PATJ: variants seen among roughly 807,000 people sequenced by gnomAD.
PATJ encodes the protein PATJ crumbs cell polarity complex component, also known as inaD-like protein.
PATJ carries 190 observed loss-of-function variants against 224.9 expected under a neutral mutation model. That is an observed-to-expected ratio of 0.84 (90% CI 0.75 to 0.95). The LOEUF is 0.95. Ranked by LOEUF, PATJ falls within the 40% of genes least tolerant of loss-of-function variation. The pLI is 0.00. For missense variants in PATJ, 2,121 were observed against 2,270.3 expected (o/e 0.93, Z 1.34); for synonymous variants, 769 against 820.3 (o/e 0.94, Z 1.07).
chr1:62,136,663 GTCT>G (rs1666921456), intron 41 of PATJ, among the ~76,000 whole-genome samples: 1 of 26,724 alleles, frequency 3.7e-5, no homozygotes, highest in African/African-American at 9.3e-5. Flanking sequence ...GTGTGTGTGT[GTCT>G]GTGTGTGTGT....
At chr1:61,797,521 ATGT>A (rs1651595832) in intron 11 of PATJ, 93 bp downstream of exon 11, 4 of 1,072,288 alleles carry the variant, frequency 3.7e-6, no homozygotes, top group Non-Finnish European at 5.6e-6. Context: ...TCAGCAGGAA[ATGT>A]TGTCCCACCT....
Position 62,014,916 on chromosome 1 carries a change from A to G in PATJ, c.3868-2940A>G, listed in dbSNP as rs1016629867. 9.9e-5 allele frequency among the ~76,000 whole-genome samples: 15 copies of G among 152,174 alleles called. No homozygotes were observed. In the South Asian group the frequency reaches 1.0e-3, roughly 11 times the overall value. On this transcript the variant is annotated intron_variant, in intron 28 of 43. Transcript: ENST00000642238. ...CCCTTGTAGCTAAGTAGGTAAGAAG[A>G]TACAAATATAAGAAAAGCTGAACTC...
At chr1:61,990,564 A>C in intron 28 of PATJ, 200 bp downstream of exon 28, 2 of 420,104 alleles carry the variant, frequency 4.8e-6, no homozygotes, top group Non-Finnish European at 8.3e-6. Flanking sequence ...AACTAATCTC[A>C]CAGAATATTT....
intron 28 of PATJ, among the ~76,000 whole-genome samples, chr1:62,000,783 C>A (rs34900906): frequency 0.26 from 37,987 of 144,804 alleles, 5,788 homozygotes; most frequent in East Asian, 0.46. Context: ...ACTGACTTCC[C>A]CAAGGGTTGA....
intron 17 of PATJ, among the ~76,000 whole-genome samples, chr1:61,837,676 G>A (rs942259009): frequency 1.3e-5 from 2 of 151,708 alleles, no homozygotes; most frequent in African/African-American, 4.8e-5. Flanking sequence ...TGTAATCCTA[G>A]CTACTCAGGA....
At position 62,114,075 on chromosome 1, in the gene PATJ, A is replaced by G. The variant is rs148552302; in HGVS notation, c.4484A>G (p.Asn1495Ser). 2.5e-6 allele frequency: 4 copies of G among 1,613,894 alleles called. No homozygotes were observed. The African/African-American group carries it at 4.0e-5, about 16-fold the overall frequency. ...CAGGTTAATGGGGTTGACCTGAGGAACTCCAGCCACGAAGAAGCCATCACA... is the reference window on the plus strand; with the variant it reads ...CAGGTTAATGGGGTTGACCTGAGGAGCTCCAGCCACGAAGAAGCCATCACA... Reference protein sequence around the residue: ...ILEVNGVDLRNSSHEEAITAL... With the variant: ...ILEVNGVDLRSSSHEEAITAL... Residue 1495 changes from asparagine to serine, a missense_variant, in exon 35 of 44, where the codon AAC (asparagine) becomes AGC (serine). Coordinates refer to ENST00000642238, the MANE Select transcript of PATJ (RefSeq NM_001350145.3).
At chr1:61,964,468 C>G (rs1012377171) in intron 27 of PATJ, among the ~76,000 whole-genome samples, 1 of 152,108 alleles carries the variant, frequency 6.6e-6, no homozygotes, top group Admixed American at 6.5e-5. Flanking sequence ...ATTAAAGCTT[C>G]CAGAAAAGAT....
intron 5 of PATJ, among the ~76,000 whole-genome samples, chr1:61,770,734 A>G (rs529382306): frequency 4.6e-5 from 7 of 151,616 alleles, no homozygotes; most frequent in Admixed American, 1.3e-4. Flanking sequence ...ACATAGCAAA[A>G]CCCCATCTCT....
intron 17 of PATJ, among the ~76,000 whole-genome samples, chr1:61,837,200 A>T (rs1232289142): frequency 6.6e-6 from 1 of 151,604 alleles, no homozygotes; most frequent in African/African-American, 2.4e-5. Flanking sequence ...GAAATAGGAA[A>T]TGTTATGTTA....
At chr1:62,062,602 A>G (rs915999808) in intron 31 of PATJ, among the ~76,000 whole-genome samples, 6 of 147,072 alleles carry the variant, frequency 4.1e-5, no homozygotes, top group Non-Finnish European at 7.4e-5. Context: ...GGCACAAGCA[A>G]TCCTCCCACA....
At chr1:61,806,744 T>C (rs1653648285) in intron 13 of PATJ, among the ~76,000 whole-genome samples, 1 of 152,230 alleles carries the variant, frequency 6.6e-6, no homozygotes, top group African/African-American at 2.4e-5. Context: ...GTTATTAGGC[T>C]ATCACCTAGC....
intron 29 of PATJ, among the ~76,000 whole-genome samples, chr1:62,035,150 G>A (rs1464245676): frequency 6.6e-6 from 1 of 152,138 alleles, no homozygotes; most frequent in Non-Finnish European, 1.5e-5. Context: ...CTATATGTGA[G>A]CAAACTACTG....
At chr1:61,929,741 T>G (rs1433493036) in intron 27 of PATJ, among the ~76,000 whole-genome samples, 3 of 152,148 alleles carry the variant, frequency 2.0e-5, no homozygotes, top group Non-Finnish European at 4.4e-5. Context: ...TAGGTACAGC[T>G]GGGCACAGTG....
At chr1:61,919,682 TG>T (rs1434503972) in intron 26 of PATJ, among the ~76,000 whole-genome samples, 3 of 151,354 alleles carry the variant, frequency 2.0e-5, no homozygotes, top group African/African-American at 7.2e-5. Flanking sequence ...AAGGGTTTTT[TG>T]TTTGTTTGTT....
intron 22 of PATJ, among the ~76,000 whole-genome samples, chr1:61,893,644 TA>T (rs1273804015): frequency 1.3e-5 from 2 of 151,302 alleles, no homozygotes; most frequent in African/African-American, 2.4e-5. Context: ...CTACAAAAGG[TA>T]AAAAAAATTA....
Position 62,072,680 on chromosome 1 carries a change from T to C in PATJ, c.4126-6770T>C, listed in dbSNP as rs541580144. The C allele has an allele frequency of 2.8e-5, 4 of 143,578 alleles. No homozygotes were observed. In the South Asian group the frequency reaches 8.8e-4, roughly 32 times the overall value. 8.9% of individuals were successfully genotyped at this position (143,578 alleles called of 1,614,324 possible). On this transcript the variant is annotated intron_variant, in intron 31 of 43. Coordinates refer to ENST00000642238, the MANE Select transcript of PATJ (RefSeq NM_001350145.3). ...TGAAAACCCCTGTGCTGATTAGCAG[T>C]GAGATCATGCCTGTGAAGAACACAC... is the stretch of plus-strand genomic sequence containing the variant.
intron 21 of PATJ, among the ~76,000 whole-genome samples, chr1:61,878,957 T>A (rs1181755912): frequency 6.6e-6 from 1 of 151,958 alleles, no homozygotes; most frequent in Non-Finnish European, 1.5e-5. Context: ...CTAATTTTTT[T>A]GTATTTTTAG....
chr1:62,099,560 G>A (rs1661886451), intron 33 of PATJ, among the ~76,000 whole-genome samples: 1 of 151,736 alleles, frequency 6.6e-6, no homozygotes, highest in Admixed American at 6.6e-5. Context: ...AGTGCAGGTA[G>A]GGACTTTTAT....
In PATJ at chr1:61,908,892, T is replaced by C. The variant is rs1672220321; in HGVS notation, c.3492+410T>C. On this transcript the variant is annotated intron_variant, in intron 25 of 43. Coordinates refer to ENST00000642238, the MANE Select transcript of PATJ (RefSeq NM_001350145.3). ...GTATATTTATTAAAGGATGTAAAAA[T>C]AAAAACGTGTTGACATGTTGTACTG... 2.0e-5 allele frequency among the ~76,000 whole-genome samples: 3 copies of C among 152,210 alleles called. No individual in the cohort carries two copies. In the South Asian group the frequency reaches 6.2e-4, roughly 31 times the overall value.
Sources: allele counts gnomAD v4.1 joint callset (sites outside exome capture counted in the v4.1 genomes callset), GRCh38; gene constraint gnomAD v4.1.1; transcripts MANE v1.5; gene names NCBI Gene and HGNC (gene_info 2026-07-23, HGNC 2026-07-21).